TBX19: variants seen among roughly 807,000 people sequenced by gnomAD.
TBX19 encodes T-box transcription factor TBX19.
In TBX19, 33 loss-of-function variants were observed where a neutral mutation model predicts 40.9. That is an observed-to-expected ratio of 0.81 (90% CI 0.61 to 1.08). The LOEUF is 1.08. Ranked by LOEUF, TBX19 falls within the 50% of genes least tolerant of loss-of-function variation. The pLI is 0.00. For missense variants in TBX19, 494 were observed against 574.0 expected, an observed-to-expected ratio of 0.86 and a Z score of 1.42; for synonymous variants, 220 against 225.0, an observed-to-expected ratio of 0.98 and a Z score of 0.20.
intron 7 of TBX19, among the ~76,000 whole-genome samples, chr1:168,310,669 T>C (rs7555893): frequency 0.24 from 34,937 of 146,474 alleles, 5,424 homozygotes; most frequent in Non-Finnish European, 0.35. Flanking sequence ...TTTATATATA[T>C]ATATAAAAAA....
intron 1 of TBX19, among the ~76,000 whole-genome samples, chr1:168,288,767 CT>C (rs11306029): frequency 0.52 from 78,137 of 149,138 alleles, 21,475 homozygotes; most frequent in Non-Finnish European, 0.64. Flanking sequence ...AGTTTTGGTA[CT>C]TTTTTTTTTT....
At chr1:168,289,810 G>A (rs965167530) in intron 1 of TBX19, among the ~76,000 whole-genome samples, 9 of 152,190 alleles carry the variant, frequency 5.9e-5, no homozygotes, top group Admixed American at 5.9e-4. Context: ...CAGTGACTTT[G>A]GAGTTGGAAT....
intron 6 of TBX19, among the ~76,000 whole-genome samples, chr1:168,306,771 G>GAGTC (rs1035961125): frequency 1.3e-5 from 2 of 152,054 alleles, no homozygotes; most frequent in African/African-American, 2.4e-5. Context: ...CTCTACTCCT[G>GAGTC]AGTCAGGGTC....
intron 3 of TBX19, among the ~76,000 whole-genome samples, chr1:168,295,842 G>A: frequency 6.6e-6 from 1 of 152,178 alleles, no homozygotes; most frequent in East Asian, 1.9e-4. Flanking sequence ...CTGGTGTGCT[G>A]TTGGTTTAGT....
At chr1:168,300,866 G>C (rs1022673206) in intron 5 of TBX19, among the ~76,000 whole-genome samples, 1 of 152,172 alleles carries the variant, frequency 6.6e-6, no homozygotes, top group African/African-American at 2.4e-5. Flanking sequence ...TAATTTTGGA[G>C]TTGGTTCCCA....
At chr1:168,294,040 C>T (rs573160744) in intron 3 of TBX19, among the ~76,000 whole-genome samples, 1 of 152,226 alleles carries the variant, frequency 6.6e-6, no homozygotes, top group South Asian at 2.1e-4. Flanking sequence ...AACTCACTCC[C>T]CATGGACACG....
chr1:168,288,768 T>C (rs1572473955), intron 1 of TBX19, among the ~76,000 whole-genome samples: 2 of 36,182 alleles, frequency 5.5e-5, no homozygotes, highest in Middle Eastern at 0.028. Context: ...GTTTTGGTAC[T>C]TTTTTTTTTT....
intron 1 of TBX19, among the ~76,000 whole-genome samples, chr1:168,282,115 G>GT (rs1398949471): frequency 6.6e-6 from 1 of 152,202 alleles, no homozygotes; most frequent in Non-Finnish European, 1.5e-5. Flanking sequence ...TTCAGCTGGT[G>GT]TTCACATAGC....
At chr1:168,307,184 T>C (rs546113703) in intron 6 of TBX19, among the ~76,000 whole-genome samples, 10 of 152,108 alleles carry the variant, frequency 6.6e-5, no homozygotes, top group African/African-American at 2.4e-4. Flanking sequence ...AAGTGCCAGA[T>C]CGTAAAAAGA....
At chr1:168,295,764 G>A (rs370072211) in intron 3 of TBX19, among the ~76,000 whole-genome samples, 3 of 152,118 alleles carry the variant, frequency 2.0e-5, no homozygotes, top group Non-Finnish European at 4.4e-5. Context: ...ACGGGGTGGT[G>A]GGGGGTGCAT....
chr1:168,312,658 C>T, intron 7 of TBX19, 50 bp from the exon 8 acceptor site: 1 of 1,586,238 alleles, frequency 6.3e-7, no homozygotes, highest in Non-Finnish European at 8.6e-7. Flanking sequence ...GGCACTCCTT[C>T]CTTGGAGTGC....
At chr1:168,304,662 A>G (rs140964399) in intron 5 of TBX19, among the ~76,000 whole-genome samples, 155 of 152,336 alleles carry the variant, frequency 1.0e-3, no homozygotes, top group African/African-American at 3.5e-3. Flanking sequence ...TATTTAAACT[A>G]TAAGCTAAAT....
chr1:168,295,509 T>G (rs994782371), intron 3 of TBX19, among the ~76,000 whole-genome samples: 1 of 152,128 alleles, frequency 6.6e-6, no homozygotes, highest in Non-Finnish European at 1.5e-5. Context: ...CAGATTTAAC[T>G]CACATCACAG....
At chr1:168,294,969 G>A (rs2102355800) in intron 3 of TBX19, among the ~76,000 whole-genome samples, 1 of 152,148 alleles carries the variant, frequency 6.6e-6, no homozygotes, top group East Asian at 1.9e-4. Context: ...ATCAATCTTT[G>A]TCATCTTTGA....
intron 4 of TBX19, among the ~76,000 whole-genome samples, chr1:168,298,716 C>A (rs963479330): frequency 2.1e-5 from 3 of 143,582 alleles, no homozygotes; most frequent in Non-Finnish European, 4.6e-5. Context: ...TGCTTCCCTC[C>A]TTTCCTTCCT....
In TBX19 at chr1:168,313,135, C is replaced by A; in HGVS notation, c.*133C>A. The A allele has an allele frequency of 3.6e-6, 4 of 1,115,532 alleles. No individual in the cohort carries two copies. The highest frequency in any genetic ancestry group is 4.0e-6 in the Non-Finnish European group (3 of 758,572). The allele number at this position is 1,115,532 out of a possible 1,614,324, so 69.1% of individuals were successfully genotyped here. A position where few individuals can be genotyped will look rare whatever the true frequency, so the allele number is the denominator to read the frequency against. Reference sequence around the variant, plus strand: ...AGCTGGAGGTGGAGGTGGGTTATTACAGAAGTCATACTGGGAGAGGGTTCA... The same window carrying A: ...AGCTGGAGGTGGAGGTGGGTTATTAAAGAAGTCATACTGGGAGAGGGTTCA... On this transcript the variant is annotated 3_prime_UTR_variant, in exon 8 of 8. Transcript: ENST00000367821.
At chr1:168,311,779 C>G (rs1196292635) in intron 7 of TBX19, among the ~76,000 whole-genome samples, 2 of 152,178 alleles carry the variant, frequency 1.3e-5, no homozygotes, top group Admixed American at 1.3e-4. Context: ...TTCATTGCAC[C>G]TGTTCCAACT....
chr1:168,306,320 G>A (rs1380025549), intron 6 of TBX19, among the ~76,000 whole-genome samples: 3 of 152,138 alleles, frequency 2.0e-5, no homozygotes, highest in Admixed American at 6.5e-5. Flanking sequence ...CAGTGGGATA[G>A]GAAAGTGATT....
intron 4 of TBX19, among the ~76,000 whole-genome samples, chr1:168,299,820 G>A (rs1022929400): frequency 9.9e-5 from 15 of 152,084 alleles, no homozygotes; most frequent in African/African-American, 3.1e-4. Context: ...CACTTATAAC[G>A]TTTTCAGTTA....
Sources: gnomAD v4.1 joint callset for allele counts (sites outside exome capture counted in the v4.1 genomes callset) on GRCh38, gnomAD v4.1.1 for gene constraint, MANE v1.5 for transcripts, NCBI Gene and HGNC (gene_info 2026-07-23, HGNC 2026-07-21) for gene names.